MAGI2: variants seen among roughly 807,000 people sequenced by gnomAD.
The protein encoded by MAGI2 is membrane associated guanylate kinase, WW and PDZ domain containing 2.
MAGI2 carries 35 observed loss-of-function variants against 133.3 expected under a neutral mutation model. The observed-to-expected ratio is 0.26, with a 90% CI of 0.20 to 0.35. MAGI2 has a LOEUF of 0.35. MAGI2 is among the 10% of genes least tolerant of loss of function. The pLI is 1.00. For synonymous variants in MAGI2, 729 were observed against 710.6 expected (o/e 1.03, Z -0.41); for missense variants, 1,636 against 1,863.4 (o/e 0.88, Z 2.25).
At chr7:78,627,273 G>A (rs746696289) in intron 2 of MAGI2, 34 bp from the exon 3 acceptor site, 16 of 1,487,686 alleles carry the variant, frequency 1.1e-5, no homozygotes, top group East Asian at 2.5e-5. Context: ...AAAGAAAGAC[G>A]CTAAGTGATT....
intron 2 of MAGI2, among the ~76,000 whole-genome samples, chr7:78,661,141 T>C (rs1159394514): frequency 1.3e-5 from 2 of 152,250 alleles, no homozygotes; most frequent in African/African-American, 4.8e-5. Flanking sequence ...CATTTGTATT[T>C]AAGAAGTTTA....
intron 1 of MAGI2, among the ~76,000 whole-genome samples, chr7:79,324,735 TTA>T (rs368080439): frequency 0.21 from 3,546 of 16,606 alleles, 1,323 homozygotes; most frequent in African/African-American, 0.42. Context: ...TATATATATA[TTA>T]TATATATATA....
chr7:79,328,158 G>A (rs998820222), intron 1 of MAGI2, among the ~76,000 whole-genome samples: 6 of 152,044 alleles, frequency 3.9e-5, no homozygotes, highest in African/African-American at 1.4e-4. Context: ...AACATGATGG[G>A]TAAGTTATAG....
chr7:79,437,955 C>T (rs569148058), intron 1 of MAGI2, among the ~76,000 whole-genome samples: 1 of 152,184 alleles, frequency 6.6e-6, no homozygotes, highest in South Asian at 2.1e-4. Context: ...TGTATGTCCT[C>T]CTCTTCCCCT....
intron 2 of MAGI2, among the ~76,000 whole-genome samples, chr7:78,907,705 G>T (rs1282191966): frequency 3.3e-5 from 5 of 152,058 alleles, no homozygotes; most frequent in African/African-American, 1.2e-4. Context: ...GACTGTCACA[G>T]GATTTGGAAT....
Position 78,627,142 on chromosome 7 carries a change from G to A in MAGI2, c.516C>T (p.Leu172=), listed in dbSNP as rs763377103. 3.1e-6 allele frequency: 5 copies of A among 1,595,474 alleles called. No homozygotes were observed. Among genetic ancestry groups the A allele is most frequent in the African/African-American group, 1.4e-5 (1 of 73,682 alleles). Residue 172 remains leucine, a synonymous_variant, in exon 3 of 22, where the codon CTC becomes CTT. Coordinates refer to ENST00000354212, the MANE Select transcript of MAGI2 (RefSeq NM_012301.4). ...TACCTTCATAAGTCCCACTTTCTAGGAGAGCACCACTTTTCTCCAATTCCA... is the reference window on the plus strand; with the variant it reads ...TACCTTCATAAGTCCCACTTTCTAGAAGAGCACCACTTTTCTCCAATTCCA... ...DFMELEKSGA[L]LESGTYEDNY...
At chr7:78,046,457 T>C (rs1274251788) in intron 21 of MAGI2, among the ~76,000 whole-genome samples, 1 of 150,478 alleles carries the variant, frequency 6.6e-6, no homozygotes, top group South Asian at 2.1e-4. Flanking sequence ...CCAGTGAAAA[T>C]CTGGGTCATC....
At chr7:78,215,943 C>G (rs1482446199) in intron 10 of MAGI2, among the ~76,000 whole-genome samples, 1 of 152,116 alleles carries the variant, frequency 6.6e-6, no homozygotes, top group East Asian at 1.9e-4. Context: ...TAAGCATTAG[C>G]TTTGTTATTT....
intron 1 of MAGI2, among the ~76,000 whole-genome samples, chr7:79,114,837 C>G (rs138826433): frequency 3.7e-4 from 57 of 152,294 alleles, no homozygotes; most frequent in Non-Finnish European, 7.2e-4. Context: ...GATCTGCTAC[C>G]TCCCATTCCA....
chr7:78,346,981 T>G (rs1221033990), intron 7 of MAGI2, among the ~76,000 whole-genome samples: 2 of 152,170 alleles, frequency 1.3e-5, no homozygotes, highest in Non-Finnish European at 2.9e-5. Context: ...TCAGTGAAGT[T>G]TCATAACAAC....
chr7:78,973,471 C>T (rs946316859), intron 2 of MAGI2, among the ~76,000 whole-genome samples: 1 of 151,690 alleles, frequency 6.6e-6, no homozygotes, highest in Non-Finnish European at 1.5e-5. Flanking sequence ...GTGCAAGGAA[C>T]CTGACTCTGT....
At chr7:79,027,361 A>G (rs911140633) in intron 1 of MAGI2, among the ~76,000 whole-genome samples, 4 of 150,884 alleles carry the variant, frequency 2.7e-5, no homozygotes, top group African/African-American at 9.7e-5. Context: ...TAAATACAAT[A>G]CCACCCAGCC....
At chr7:78,783,984 C>G (rs897745541) in intron 2 of MAGI2, among the ~76,000 whole-genome samples, 3 of 151,974 alleles carry the variant, frequency 2.0e-5, no homozygotes, top group Non-Finnish European at 4.4e-5. Flanking sequence ...GGATATAGCC[C>G]TTTTTTAATC....
At chr7:79,214,387 CTCTCTCTCTCTCTCTCTCTCTA>C (rs1470627318) in intron 1 of MAGI2, among the ~76,000 whole-genome samples, 32 of 91,744 alleles carry the variant, frequency 3.5e-4, no homozygotes, top group South Asian at 8.0e-4. Flanking sequence ...CTCTCTCTCT[CTCTCTCTCTCTCTCTCTCTCTA>C]TATATATATA....
intron 2 of MAGI2, among the ~76,000 whole-genome samples, chr7:78,908,289 T>G (rs1346094013): frequency 6.6e-6 from 1 of 152,234 alleles, no homozygotes; most frequent in African/African-American, 2.4e-5. Flanking sequence ...TACAGAACTA[T>G]GACACCAAAG....
chr7:78,792,862 G>C (rs1787293764), intron 2 of MAGI2, among the ~76,000 whole-genome samples: 1 of 152,202 alleles, frequency 6.6e-6, no homozygotes, highest in South Asian at 2.1e-4. Context: ...GCAGTGTGCT[G>C]TTTACATTCT....
intron 1 of MAGI2, among the ~76,000 whole-genome samples, chr7:79,026,526 T>C (rs138849966): frequency 2.6e-5 from 4 of 152,202 alleles, no homozygotes; most frequent in Non-Finnish European, 5.9e-5. Flanking sequence ...ATACACAAAA[T>C]TTATGAGGAA....
At chr7:78,719,507 T>G (rs904401954) in intron 2 of MAGI2, among the ~76,000 whole-genome samples, 1 of 152,234 alleles carries the variant, frequency 6.6e-6, no homozygotes, top group Non-Finnish European at 1.5e-5. Context: ...GAGTGAGTGA[T>G]AGAAACCACT....
intron 9 of MAGI2, among the ~76,000 whole-genome samples, chr7:78,291,640 T>G (rs1796717862): frequency 6.6e-6 from 1 of 152,090 alleles, no homozygotes; most frequent in South Asian, 2.1e-4. Flanking sequence ...AAAAGAGAAT[T>G]TTAGACCAAT....
Sources: gnomAD v4.1 joint callset for allele counts (sites outside exome capture counted in the v4.1 genomes callset) on GRCh38, gnomAD v4.1.1 for gene constraint, MANE v1.5 for transcripts, NCBI Gene and HGNC (gene_info 2026-07-23, HGNC 2026-07-21) for gene names.